ARHGAP15: variants seen among roughly 807,000 people sequenced by gnomAD.
The protein encoded by ARHGAP15 is Rho GTPase activating protein 15.
Under a neutral mutation model 63.7 loss-of-function variants are expected in ARHGAP15, and 51 were observed. The ratio of observed to expected loss-of-function variants is 0.80; its 90% CI spans 0.64 to 1.01. ARHGAP15 has a LOEUF of 1.01. Among genes scored for constraint, ARHGAP15 ranks in the 50% least tolerant of loss-of-function variants. The pLI, the probability that ARHGAP15 is intolerant of heterozygous loss-of-function variation, is 0.00. For synonymous variants in ARHGAP15, 191 were observed against 193.8 expected (o/e 0.99, Z 0.12); for missense variants, 560 against 564.6 (o/e 0.99, Z 0.08).
intron 11 of ARHGAP15, among the ~76,000 whole-genome samples, chr2:143,573,277 G>A (rs1268619574): frequency 3.3e-5 from 5 of 152,144 alleles, no homozygotes; most frequent in African/African-American, 1.2e-4. Flanking sequence ...AGGGCTTAAA[G>A]TTTCAAGGAC....
intron 6 of ARHGAP15, among the ~76,000 whole-genome samples, chr2:143,256,717 G>A (rs966099828): frequency 6.6e-6 from 1 of 151,966 alleles, no homozygotes; most frequent in Non-Finnish European, 1.5e-5. Flanking sequence ...CTTCACTTTT[G>A]TTGATGCGGT....
At chr2:143,531,434 T>C (rs1418107598) in intron 10 of ARHGAP15, among the ~76,000 whole-genome samples, 1 of 152,186 alleles carries the variant, frequency 6.6e-6, no homozygotes, top group Non-Finnish European at 1.5e-5. Context: ...GTCCTTAACT[T>C]GATTAGTGTT....
intron 2 of ARHGAP15, among the ~76,000 whole-genome samples, chr2:143,174,138 G>A (rs895652371): frequency 1.3e-5 from 2 of 151,956 alleles, no homozygotes; most frequent in Non-Finnish European, 2.9e-5. Flanking sequence ...TGTACTCTCC[G>A]TTTGTACCTG....
At chr2:143,351,938 CTATTTATAGAACATATT>C (rs1166170889) in intron 6 of ARHGAP15, among the ~76,000 whole-genome samples, 1 of 152,112 alleles carries the variant, frequency 6.6e-6, no homozygotes, top group African/African-American at 2.4e-5. Context: ...GATCAGTTCA[CTATTTATAGAACATATT>C]TATTTACAAG....
chr2:143,382,503 G>T (rs986825130), intron 6 of ARHGAP15, among the ~76,000 whole-genome samples: 2 of 152,074 alleles, frequency 1.3e-5, no homozygotes, highest in Non-Finnish European at 2.9e-5. Context: ...TTCCCTTTTG[G>T]TAAGGACACC....
intron 10 of ARHGAP15, among the ~76,000 whole-genome samples, chr2:143,542,799 A>G (rs1332285039): frequency 3.4e-5 from 4 of 117,200 alleles, no homozygotes; most frequent in African/African-American, 1.3e-4. Flanking sequence ...AATATCACAT[A>G]TATAGTATAT....
intron 11 of ARHGAP15, chr2:143,608,872 A>G (rs1224692231): frequency 1.3e-5 from 2 of 152,210 alleles, no homozygotes; most frequent in East Asian, 1.9e-4. Flanking sequence ...CAGGATTGTC[A>G]TGAGTTAATT....
intron 12 of ARHGAP15, among the ~76,000 whole-genome samples, chr2:143,647,198 T>C (rs1268982702): frequency 6.6e-6 from 1 of 151,850 alleles, no homozygotes; most frequent in Non-Finnish European, 1.5e-5. Flanking sequence ...ATTGCTAATA[T>C]AATACATGTG....
intron 11 of ARHGAP15, among the ~76,000 whole-genome samples, chr2:143,618,578 T>A (rs980596998): frequency 2.0e-5 from 3 of 152,232 alleles, no homozygotes; most frequent in African/African-American, 7.2e-5. Flanking sequence ...AAATAAAAGT[T>A]GGAAAGAGGT....
intron 13 of ARHGAP15, among the ~76,000 whole-genome samples, chr2:143,731,673 G>A (rs1168193885): frequency 2.0e-5 from 3 of 152,184 alleles, no homozygotes; most frequent in Non-Finnish European, 4.4e-5. Context: ...CTTATGAATA[G>A]CTGTAAAGGT....
intron 2 of ARHGAP15, among the ~76,000 whole-genome samples, chr2:143,192,599 C>T (rs1691725330): frequency 6.6e-6 from 1 of 152,184 alleles, no homozygotes; most frequent in African/African-American, 2.4e-5. Flanking sequence ...TCACAACCTC[C>T]TATGCCAATC....
At chr2:143,740,600 G>C (rs899950098) in intron 13 of ARHGAP15, among the ~76,000 whole-genome samples, 1 of 152,194 alleles carries the variant, frequency 6.6e-6, no homozygotes, top group Non-Finnish European at 1.5e-5. Context: ...TCAAAACAGC[G>C]TCAGCGGTGG....
intron 12 of ARHGAP15, among the ~76,000 whole-genome samples, chr2:143,651,386 T>A (rs1035811997): frequency 1.3e-5 from 2 of 152,026 alleles, no homozygotes; most frequent in Non-Finnish European, 2.9e-5. Context: ...ATTTCATTAA[T>A]GCTGTTGTTG....
intron 9 of ARHGAP15, among the ~76,000 whole-genome samples, chr2:143,497,633 G>A (rs1169911056): frequency 2.0e-5 from 3 of 152,096 alleles, no homozygotes; most frequent in South Asian, 2.1e-4. Context: ...AGCCAGTGCT[G>A]GATGCTGCTT....
intron 6 of ARHGAP15, among the ~76,000 whole-genome samples, chr2:143,321,844 A>G (rs894892245): frequency 6.6e-6 from 1 of 152,158 alleles, no homozygotes; most frequent in Non-Finnish European, 1.5e-5. Context: ...CACCGGGTAC[A>G]CACCCTGCTA....
intron 10 of ARHGAP15, among the ~76,000 whole-genome samples, chr2:143,543,531 T>G (rs1168526531): frequency 1.3e-5 from 2 of 152,182 alleles, no homozygotes; most frequent in African/African-American, 4.8e-5. Flanking sequence ...TTGTTTCCTT[T>G]GCTGTGCAGA....
intron 13 of ARHGAP15, among the ~76,000 whole-genome samples, chr2:143,752,120 C>T (rs1686399856): frequency 6.6e-6 from 1 of 152,150 alleles, no homozygotes; most frequent in South Asian, 2.1e-4. Flanking sequence ...CTCAACCCTG[C>T]CACTTGTTAT....
chr2:143,502,320 A>G (rs1221930769), intron 9 of ARHGAP15, among the ~76,000 whole-genome samples: 2 of 151,906 alleles, frequency 1.3e-5, no homozygotes, highest in Non-Finnish European at 2.9e-5. Context: ...GAGGCAGGAG[A>G]ATCACTTGAG....
At chr2:143,562,239 T>G (rs1377939113) in intron 11 of ARHGAP15, among the ~76,000 whole-genome samples, 1 of 152,142 alleles carries the variant, frequency 6.6e-6, no homozygotes, top group Non-Finnish European at 1.5e-5. Context: ...TTTCATATTA[T>G]TTGCAGCATC....
Sources: gnomAD v4.1 joint callset for allele counts (sites outside exome capture counted in the v4.1 genomes callset) on GRCh38, gnomAD v4.1.1 for gene constraint, MANE v1.5 for transcripts, NCBI Gene and HGNC (gene_info 2026-07-23, HGNC 2026-07-21) for gene names.